The following ASIC2 variants were observed in gnomAD, a reference collection of about 807,000 sequenced individuals.
ASIC2 encodes the protein acid-sensing ion channel 2.
In ASIC2, 25 loss-of-function variants were observed where a neutral mutation model predicts 57.3. That is an observed-to-expected ratio of 0.44 (90% confidence interval 0.32 to 0.61). The LOEUF (loss-of-function observed/expected upper bound fraction) is 0.61. ASIC2 is among the 20% of genes least tolerant of loss of function. The pLI is 0.06. For synonymous variants in ASIC2, 319 were observed against 307.5 expected (o/e 1.04, Z -0.39); for missense variants, 641 against 738.1 (o/e 0.87, Z 1.52).
chr17:34,061,215 T>C (rs961531610), intron 1 of ASIC2, among the ~76,000 whole-genome samples: 2 of 152,008 alleles, frequency 1.3e-5, no homozygotes, highest in South Asian at 4.1e-4. Context: ...AACAAAACCA[T>C]TATCAGCCAA....
At chr17:33,766,307 G>A (rs921422567) in intron 1 of ASIC2, among the ~76,000 whole-genome samples, 2 of 152,172 alleles carry the variant, frequency 1.3e-5, no homozygotes, top group African/African-American at 4.8e-5. Context: ...GGGTTTGGTA[G>A]TATCATTGGC....
Position 34,156,630 on chromosome 17 carries a change from GA to G in ASIC2, c.-99del. 1 of 1,306,440 alleles carries G rather than the reference GA, an allele frequency of 7.7e-7. No individual in the cohort carries two copies. The highest frequency in any genetic ancestry group is 1.0e-6 in the Non-Finnish European group (1 of 965,598). 80.9% of individuals were successfully genotyped at this position (1,306,440 alleles called of 1,614,324 possible). ...TCTGCTTAAACCTTGACGTTCAGGG[GA>G]GAGAACGCAAGGCAAGCATCGCGCC... On this transcript the variant is annotated 5_prime_UTR_variant, in exon 1 of 10. Coordinates refer to the ASIC2 transcript ENST00000359872. The surrounding 1 kb of genome is among the most constrained non-coding windows in gnomAD (Gnocchi z 4.4).
chr17:33,797,220 T>C (rs1016573608), intron 1 of ASIC2, among the ~76,000 whole-genome samples: 1 of 152,096 alleles, frequency 6.6e-6, no homozygotes, highest in Non-Finnish European at 1.5e-5. Flanking sequence ...AGCTGGGTCT[T>C]ACATGATGAG....
At chr17:33,810,826 G>C (rs1355091369) in intron 1 of ASIC2, among the ~76,000 whole-genome samples, 1 of 151,728 alleles carries the variant, frequency 6.6e-6, no homozygotes, top group Non-Finnish European at 1.5e-5. Flanking sequence ...CCCTTAATAG[G>C]TCCCATTCTG....
intron 1 of ASIC2, among the ~76,000 whole-genome samples, chr17:33,528,419 A>T (rs1349416186): frequency 6.6e-6 from 1 of 152,182 alleles, no homozygotes; most frequent in Non-Finnish European, 1.5e-5. Context: ...ACCTTTAAGC[A>T]ATTCATTTTC....
At chr17:33,731,417 C>A (rs1909738939) in intron 1 of ASIC2, among the ~76,000 whole-genome samples, 1 of 152,088 alleles carries the variant, frequency 6.6e-6, no homozygotes, top group Non-Finnish European at 1.5e-5. Flanking sequence ...GGTAGAAAAA[C>A]AGAGTTTGGG....
intron 1 of ASIC2, among the ~76,000 whole-genome samples, chr17:33,887,067 T>C (rs1449381017): frequency 6.6e-6 from 1 of 152,148 alleles, no homozygotes; most frequent in Non-Finnish European, 1.5e-5. Flanking sequence ...TTAATTTTGT[T>C]GAAACAGGAG....
Position 33,176,598 on chromosome 17 carries a change from G to A in ASIC2, c.709-64531C>T, listed in dbSNP as rs562590092. On this transcript the variant is annotated intron_variant, in intron 1 of 9. Transcript: ENST00000225823. Reference sequence around the variant, plus strand: ...GGCTCAAGTGATTCTTCCTGCCTTGGCCTCCCAAAGTGCAGGGATTACAGG... The same window carrying A: ...GGCTCAAGTGATTCTTCCTGCCTTGACCTCCCAAAGTGCAGGGATTACAGG... Among the ~76,000 whole-genome samples, 10 of 152,292 alleles carry A rather than the reference G, an allele frequency of 6.6e-5. No individual in the cohort carries two copies. In the East Asian group the frequency reaches 1.7e-3, roughly 26 times the overall value.
At chr17:33,954,880 T>C (rs1904686601) in intron 1 of ASIC2, 1 of 152,210 alleles carries the variant, frequency 6.6e-6, no homozygotes, top group South Asian at 2.1e-4. Flanking sequence ...TCCAAGGGGA[T>C]ATGTTCCTTA....
At chr17:33,180,938 G>A (rs925925882) in intron 1 of ASIC2, among the ~76,000 whole-genome samples, 12 of 152,128 alleles carry the variant, frequency 7.9e-5, no homozygotes, top group Non-Finnish European at 1.5e-4. Context: ...AGGGCCACGC[G>A]GCTGTGCTCT....
At chr17:33,197,752 AC>A (rs1906692534) in intron 1 of ASIC2, among the ~76,000 whole-genome samples, 1 of 151,846 alleles carries the variant, frequency 6.6e-6, no homozygotes, top group Admixed American at 6.6e-5. Flanking sequence ...TGGGTCAGGG[AC>A]CCCTCTCCCT....
At chr17:33,140,930 A>G (rs1158233378) in intron 1 of ASIC2, among the ~76,000 whole-genome samples, 1 of 152,246 alleles carries the variant, frequency 6.6e-6, no homozygotes, top group Non-Finnish European at 1.5e-5. Flanking sequence ...ACCACAAGAC[A>G]TGGACACAGC....
chr17:33,234,485 A>G (rs1908222350), intron 1 of ASIC2, among the ~76,000 whole-genome samples: 1 of 152,150 alleles, frequency 6.6e-6, no homozygotes, highest in Non-Finnish European at 1.5e-5. Context: ...TTCTCTGCCC[A>G]CAGGCACTCA....
At chr17:33,070,370 G>A (rs893217446) in intron 3 of ASIC2, among the ~76,000 whole-genome samples, 2 of 142,160 alleles carry the variant, frequency 1.4e-5, no homozygotes, top group Admixed American at 7.3e-5. Context: ...ACAGAGTCTC[G>A]CTCTGTCACC....
intron 1 of ASIC2, among the ~76,000 whole-genome samples, chr17:34,109,192 C>T (rs1911178845): frequency 6.6e-6 from 1 of 152,042 alleles, no homozygotes; most frequent in Non-Finnish European, 1.5e-5. Flanking sequence ...CTGGCAACTT[C>T]TGTAACTTAT....
chr17:34,073,269 A>G (rs1282863211), intron 1 of ASIC2, among the ~76,000 whole-genome samples: 1 of 152,250 alleles, frequency 6.6e-6, no homozygotes, highest in Non-Finnish European at 1.5e-5. Context: ...AAAAGCAGCC[A>G]TAGACAATAC....
intron 1 of ASIC2, among the ~76,000 whole-genome samples, chr17:33,508,247 G>A (rs1469098557): frequency 6.6e-6 from 1 of 151,996 alleles, no homozygotes; most frequent in African/African-American, 2.4e-5. Flanking sequence ...ACTAGGTTTG[G>A]GGGTGCTGTG....
At chr17:33,076,049 A>T (rs1156335510) in intron 3 of ASIC2, among the ~76,000 whole-genome samples, 1 of 152,224 alleles carries the variant, frequency 6.6e-6, no homozygotes, top group African/African-American at 2.4e-5. Flanking sequence ...TCCTACATGG[A>T]TGGAAGAATA....
chr17:33,842,888 C>T (rs934944625), intron 1 of ASIC2, among the ~76,000 whole-genome samples: 58 of 152,032 alleles, frequency 3.8e-4, no homozygotes, highest in South Asian at 2.1e-4. Context: ...GAGGGCCCAG[C>T]GGGGAGAGCC....
Sources: gnomAD v4.1 joint callset for allele counts (sites outside exome capture counted in the v4.1 genomes callset) on GRCh38, gnomAD v4.1.1 for gene constraint, Gnocchi (gnomAD v3.1) non-coding constraint, MANE v1.5 for transcripts, NCBI Gene and HGNC (gene_info 2026-07-23, HGNC 2026-07-21) for gene names.